Variants in MNAT1 observed in about 807,000 individuals in gnomAD.
MNAT1 encodes CDK-activating kinase assembly factor MAT1.
MNAT1 carries 43 observed loss-of-function variants against 42.0 expected under a neutral mutation model. That is an observed-to-expected ratio of 1.02 (90% CI 0.80 to 1.32). MNAT1 has a LOEUF of 1.32. Among genes scored for constraint, MNAT1 ranks in the 40% most tolerant of loss-of-function variants. The pLI, the probability that MNAT1 is intolerant of heterozygous loss-of-function variation, is 0.00. For synonymous variants in MNAT1, 118 were observed against 120.0 expected, an observed-to-expected ratio of 0.98 and a Z score of 0.11; for missense variants, 306 against 350.4, an observed-to-expected ratio of 0.87 and a Z score of 1.01.
intron 6 of MNAT1, among the ~76,000 whole-genome samples, chr14:60,857,356 A>T (rs554551352): frequency 2.6e-5 from 4 of 151,532 alleles, no homozygotes; most frequent in Non-Finnish European, 4.4e-5. Context: ...GGTAGAAACA[A>T]TAAGAGAACT....
chr14:60,892,897 CACAGAATT>C (rs1349702860), intron 7 of MNAT1, among the ~76,000 whole-genome samples: 1 of 152,038 alleles, frequency 6.6e-6, no homozygotes, highest in Admixed American at 6.6e-5. Context: ...TTGACAGCAC[CACAGAATT>C]ACATCTTTAT....
intron 3 of MNAT1, among the ~76,000 whole-genome samples, 166 bp from the exon 4 acceptor site, chr14:60,808,159 G>A (rs1207088623): frequency 2.6e-5 from 4 of 152,078 alleles, no homozygotes; most frequent in Admixed American, 2.0e-4. Flanking sequence ...CATGTTTGCC[G>A]TAACTAGAGC....
chr14:60,930,501 G>A (rs1461570715), intron 7 of MNAT1, among the ~76,000 whole-genome samples: 3 of 152,014 alleles, frequency 2.0e-5, no homozygotes, highest in South Asian at 2.1e-4. Flanking sequence ...TGTGCTGGGT[G>A]GAAGAATTAT....
chr14:60,786,853 C>T (rs920821563), intron 1 of MNAT1, among the ~76,000 whole-genome samples: 3 of 152,124 alleles, frequency 2.0e-5, no homozygotes, highest in Non-Finnish European at 4.4e-5. Flanking sequence ...TAATAATAGC[C>T]TTTTCAGGTA....
chr14:60,858,080 G>T (rs1269288722), intron 6 of MNAT1, among the ~76,000 whole-genome samples: 2 of 152,192 alleles, frequency 1.3e-5, no homozygotes, highest in Non-Finnish European at 2.9e-5. Context: ...AATCCTTTTG[G>T]TATATACCCA....
chr14:60,940,795 G>C (rs911699200), intron 7 of MNAT1, among the ~76,000 whole-genome samples: 16 of 151,984 alleles, frequency 1.1e-4, no homozygotes, highest in Non-Finnish European at 2.1e-4. Flanking sequence ...TAAAAGGATG[G>C]GTTTAAAATT....
chr14:60,914,286 G>T (rs946462143), intron 7 of MNAT1, among the ~76,000 whole-genome samples: 3 of 152,340 alleles, frequency 2.0e-5, no homozygotes, highest in East Asian at 3.9e-4. Flanking sequence ...GTGAGGCGAT[G>T]CCTTGCCCTG....
chr14:60,961,610 C>G (rs1188514770), intron 7 of MNAT1, among the ~76,000 whole-genome samples: 2 of 152,168 alleles, frequency 1.3e-5, no homozygotes. Flanking sequence ...GCCCTACTTT[C>G]TCATTTGTAA....
chr14:60,739,608 T>G (rs1239708341), intron 1 of MNAT1, among the ~76,000 whole-genome samples: 1 of 152,200 alleles, frequency 6.6e-6, no homozygotes, highest in African/African-American at 2.4e-5. Flanking sequence ...AAGAAGCATA[T>G]TTCCCTACTT....
chr14:60,957,057 T>C (rs1392901911), intron 7 of MNAT1, among the ~76,000 whole-genome samples: 1 of 152,218 alleles, frequency 6.6e-6, no homozygotes, highest in Non-Finnish European at 1.5e-5. Flanking sequence ...TTGGTTGTTT[T>C]GGAGACCTTT....
chr14:60,876,196 C>T (rs2034432858), intron 6 of MNAT1, among the ~76,000 whole-genome samples: 1 of 152,026 alleles, frequency 6.6e-6, no homozygotes, highest in South Asian at 2.1e-4. Context: ...GCAATGCTCT[C>T]TGAATCATTG....
intron 1 of MNAT1, among the ~76,000 whole-genome samples, chr14:60,771,073 T>C (rs1352055686): frequency 6.6e-6 from 1 of 152,184 alleles, no homozygotes; most frequent in Non-Finnish European, 1.5e-5. Flanking sequence ...AATAAAACTA[T>C]TAGGTAATAA....
intron 1 of MNAT1, among the ~76,000 whole-genome samples, chr14:60,738,381 G>A (rs1896369396): frequency 6.6e-6 from 1 of 150,410 alleles, no homozygotes; most frequent in Admixed American, 6.7e-5. Context: ...TCAGACTCCC[G>A]AGTAGCTGGG....
At chr14:60,890,464 G>C (rs2034812622) in intron 7 of MNAT1, among the ~76,000 whole-genome samples, 1 of 152,148 alleles carries the variant, frequency 6.6e-6, no homozygotes, top group Non-Finnish European at 1.5e-5. Context: ...TATATGAAGG[G>C]GAGTTTATTA....
intron 1 of MNAT1, among the ~76,000 whole-genome samples, chr14:60,741,658 G>GGTTT (rs377257445): frequency 3.3e-5 from 3 of 92,024 alleles, no homozygotes; most frequent in Non-Finnish European, 6.0e-5. Flanking sequence ...TGCGCCTGGG[G>GGTTT]TTTTTTTTTT....
intron 5 of MNAT1, among the ~76,000 whole-genome samples, chr14:60,817,268 T>C (rs1450068228): frequency 6.6e-6 from 1 of 151,834 alleles, no homozygotes; most frequent in Non-Finnish European, 1.5e-5. Context: ...CTAGAATAGC[T>C]GCAAGGAATC....
rs771067039 is a variant in MNAT1, at chr14:60,825,428, G to T, written c.687+6581G>T. ...TTAGAAAAATCAATCCTGAATGAAG[G>T]ATGAAAAGTAACATTAAGCAACTAT... On this transcript the variant is annotated intron_variant, in intron 6 of 7. Transcript: ENST00000261245. Among the ~76,000 whole-genome samples the T allele has an allele frequency of 5.3e-5, 8 of 152,250 alleles. No homozygotes were observed. In the East Asian group the frequency reaches 1.5e-3, roughly 29 times the overall value.
At position 60,921,805 on chromosome 14, in the gene MNAT1, G is replaced by C. The variant is rs370414094; in HGVS notation, c.809+41970G>C. Among the ~76,000 whole-genome samples the C allele has an allele frequency of 9.0e-4, 137 of 152,218 alleles. 1 individual carries two copies. The highest frequency in any genetic ancestry group is 3.1e-3 in the African/African-American group (127 of 41,548). Reference sequence around the variant, plus strand: ...GTAAAAACATAAATCCTAAAGAACAGGAATGGAAAATGGGGATGGTTTTCA... The same window carrying C: ...GTAAAAACATAAATCCTAAAGAACACGAATGGAAAATGGGGATGGTTTTCA... On this transcript the variant is annotated intron_variant, in intron 7 of 7. Coordinates refer to ENST00000261245, the MANE Select transcript of MNAT1 (RefSeq NM_002431.4).
At chr14:60,819,774 T>G (rs10144292) in intron 6 of MNAT1, among the ~76,000 whole-genome samples, 132,061 of 152,072 alleles carry the variant, frequency 0.87, 59,010 homozygotes, top group Non-Finnish European at 0.98. Flanking sequence ...TTTATCCAGC[T>G]GCTTGACATG....
Sources: gnomAD v4.1 joint callset for allele counts (sites outside exome capture counted in the v4.1 genomes callset) on GRCh38, gnomAD v4.1.1 for gene constraint, MANE v1.5 for transcripts, NCBI Gene and HGNC (gene_info 2026-07-23, HGNC 2026-07-21) for gene names.